Variants in SV2C observed in about 807,000 individuals in gnomAD.
SV2C encodes the protein solute carrier family 22 member B3.
SV2C carries 49 observed loss-of-function variants against 79.7 expected under a neutral mutation model. The observed-to-expected ratio is 0.61, with a 90% confidence interval of 0.49 to 0.78. SV2C has a LOEUF of 0.78. Among genes scored for constraint, SV2C ranks in the 30% least tolerant of loss-of-function variants. SV2C has a pLI of 0.00. For synonymous variants in SV2C, 334 were observed against 333.2 expected (o/e 1.00, Z -0.03); for missense variants, 833 against 912.9 (o/e 0.91, Z 1.13).
the SV2C span, among the ~76,000 whole-genome samples, chr5:75,887,288 T>A: frequency 6.6e-6 from 1 of 152,096 alleles, no homozygotes; most frequent in East Asian, 1.9e-4. Flanking sequence ...GTTATGATAT[T>A]ATATAATAGA....
the SV2C span, among the ~76,000 whole-genome samples, chr5:76,022,062 G>A: frequency 6.6e-6 from 1 of 152,176 alleles, no homozygotes; most frequent in Non-Finnish European, 1.5e-5. Context: ...CAACCATTTT[G>A]CAGTCATGAC....
chr5:75,873,984 G>C, the SV2C span, among the ~76,000 whole-genome samples: 2,828 of 152,174 alleles, frequency 0.019, 82 homozygotes, highest in African/African-American at 0.062. Flanking sequence ...ATACAAAGAA[G>C]GGTTGGTACC....
the SV2C span, among the ~76,000 whole-genome samples, chr5:75,853,332 G>A: frequency 1.3e-5 from 2 of 151,962 alleles, no homozygotes; most frequent in East Asian, 1.9e-4. Flanking sequence ...GGAGGCGGGC[G>A]GATCACAATA....
chr5:75,932,657 A>G, the SV2C span, among the ~76,000 whole-genome samples: 1 of 152,250 alleles, frequency 6.6e-6, no homozygotes, highest in Non-Finnish European at 1.5e-5. Flanking sequence ...TTGTTAAGGC[A>G]CAGGCTGCTC....
intron 4 of SV2C, among the ~76,000 whole-genome samples, chr5:76,224,091 A>G (rs140058972): frequency 1.6e-4 from 24 of 152,296 alleles, no homozygotes; most frequent in African/African-American, 5.3e-4. Context: ...GAGAGACATA[A>G]TTCAGTCCAT....
the SV2C span, among the ~76,000 whole-genome samples, chr5:75,944,832 A>G: frequency 6.6e-6 from 1 of 152,136 alleles, no homozygotes; most frequent in African/African-American, 2.4e-5. Context: ...GCCCTGACCC[A>G]GGGCCAGCCC....
the SV2C span, among the ~76,000 whole-genome samples, chr5:75,859,322 A>G: frequency 9.9e-5 from 15 of 152,186 alleles, no homozygotes; most frequent in Admixed American, 9.8e-4. Context: ...TTGCCTCTTC[A>G]CATACGAGGG....
upstream of SV2C, chr5:76,078,577 G>T: frequency 3.0e-6 from 1 of 337,898 alleles, no homozygotes; most frequent in Non-Finnish European, 5.7e-6. Context: ...TGACTCCCGC[G>T]GGCCACAGCC....
intron 2 of SV2C, among the ~76,000 whole-genome samples, chr5:76,170,606 AC>A (rs1370065488): frequency 7.0e-6 from 1 of 143,170 alleles, no homozygotes; most frequent in Non-Finnish European, 1.5e-5. Context: ...CCCTATGTAA[AC>A]AAAAAAAGGA....
At chr5:76,277,741 T>A (rs35984318) in intron 4 of SV2C, among the ~76,000 whole-genome samples, 5 of 149,428 alleles carry the variant, frequency 3.3e-5, no homozygotes, top group African/African-American at 9.9e-5. Context: ...CTGGGTGACC[T>A]AGGAGACCTG....
chr5:76,217,132 A>G (rs888588938), intron 4 of SV2C, among the ~76,000 whole-genome samples: 1 of 152,166 alleles, frequency 6.6e-6, no homozygotes, highest in African/African-American at 2.4e-5. Flanking sequence ...CATGGCCTCT[A>G]TCTGGCTAGC....
the SV2C span, among the ~76,000 whole-genome samples, chr5:75,933,244 T>C: frequency 6.6e-6 from 1 of 152,214 alleles, no homozygotes; most frequent in Admixed American, 6.5e-5. Flanking sequence ...TTCTCTTATA[T>C]AGCATCCTAT....
At chr5:76,012,174 G>T in the SV2C span, among the ~76,000 whole-genome samples, 213 of 152,278 alleles carry the variant, frequency 1.4e-3, 4 homozygotes, top group Middle Eastern at 0.024. Flanking sequence ...GATCCTTGAG[G>T]AATCACCCCA....
intron 1 of SV2C, among the ~76,000 whole-genome samples, chr5:76,113,945 T>G (rs971515050): frequency 1.1e-4 from 16 of 152,012 alleles, no homozygotes; most frequent in Non-Finnish European, 8.8e-5. Flanking sequence ...CACACATATA[T>G]ACACATACAC....
intron 2 of SV2C, among the ~76,000 whole-genome samples, chr5:76,163,642 C>A (rs1742960941): frequency 1.3e-5 from 2 of 152,182 alleles, no homozygotes; most frequent in African/African-American, 4.8e-5. Context: ...GCCTCACTGA[C>A]AGACCCCCTT....
chr5:76,269,760 T>C lies in SV2C; in HGVS notation c.914-15402T>C, dbSNP rs556557082. Among the ~76,000 whole-genome samples, 34 of 152,326 alleles carry C rather than the reference T, an allele frequency of 2.2e-4. No individual in the cohort carries two copies. The South Asian group carries it at 6.6e-3, about 30-fold the overall frequency. ...TCAATCTGCCTATGCTCGAGCACTTTGTCACTGTGGTCTCCCTGAGTCATT... is the reference window on the plus strand; with the variant it reads ...TCAATCTGCCTATGCTCGAGCACTTCGTCACTGTGGTCTCCCTGAGTCATT... On this transcript the variant is annotated intron_variant, in intron 4 of 12. Transcript: ENST00000502798.
At chr5:75,921,013 G>C in the SV2C span, 1 of 713,034 alleles carries the variant, frequency 1.4e-6, no homozygotes, top group South Asian at 1.6e-5. Context: ...CCTCGCGGTA[G>C]TTCTCATCCC....
At chr5:76,071,658 T>C in the SV2C span, among the ~76,000 whole-genome samples, 1 of 152,184 alleles carries the variant, frequency 6.6e-6, no homozygotes, top group African/African-American at 2.4e-5. Context: ...CTTTAGATCA[T>C]GCTAAAAATA....
At chr5:75,898,253 A>C in the SV2C span, among the ~76,000 whole-genome samples, 1 of 152,164 alleles carries the variant, frequency 6.6e-6, no homozygotes, top group South Asian at 2.1e-4. Context: ...ATCAATATCT[A>C]TTTTATTGAG....
Sources: allele counts gnomAD v4.1 joint callset (sites outside exome capture counted in the v4.1 genomes callset), GRCh38; gene constraint gnomAD v4.1.1; transcripts MANE v1.5; gene names NCBI Gene and HGNC (gene_info 2026-07-23, HGNC 2026-07-21).